SLC6A15: variants seen among roughly 807,000 people sequenced by gnomAD.
The protein encoded by SLC6A15 is solute carrier family 6 member 15.
SLC6A15 carries 33 observed loss-of-function variants against 68.5 expected under a neutral mutation model. That is an observed-to-expected ratio of 0.48 (90% confidence interval 0.37 to 0.64). The LOEUF (loss-of-function observed/expected upper bound fraction) is 0.64, where lower values mean the gene tolerates loss of function less well. Among genes scored for constraint, SLC6A15 ranks in the 30% least tolerant of loss-of-function variants. SLC6A15 has a pLI of 0.00. For synonymous variants in SLC6A15, 347 were observed against 301.0 expected, an observed-to-expected ratio of 1.15 and a Z score of -1.58; for missense variants, 747 against 874.3, an observed-to-expected ratio of 0.85 and a Z score of 1.84.
rs1038651589 is a variant in SLC6A15 at position 84,881,959 on chromosome 12, C to G, written c.756+1900G>C. The G allele has an allele frequency of 7.1e-6, 7 of 984,128 alleles. No homozygotes were observed. In the African/African-American group the frequency reaches 1.2e-4, roughly 17 times the overall value. The allele number at this position is 984,128 out of a possible 1,614,324, so 61.0% of individuals were successfully genotyped here. On this transcript the variant is annotated intron_variant, in intron 5 of 11. Transcript: ENST00000266682. Reference sequence around the variant, plus strand: ...CTTCAAATATTGCCCAAATACTAGTCTTTTCCTGAGGCATTCTCATTAAAA... The same window carrying G: ...CTTCAAATATTGCCCAAATACTAGTGTTTTCCTGAGGCATTCTCATTAAAA...
intron 1 of SLC6A15, among the ~76,000 whole-genome samples, chr12:84,896,987 TC>T (rs1234397171): frequency 6.6e-6 from 1 of 152,020 alleles, no homozygotes; most frequent in African/African-American, 2.4e-5. Flanking sequence ...GGCCAGGAGT[TC>T]GAGGCCATAC....
intron 11 of SLC6A15, among the ~76,000 whole-genome samples, chr12:84,863,071 A>G (rs1200807609): frequency 6.6e-6 from 1 of 152,164 alleles, no homozygotes; most frequent in Admixed American, 6.5e-5. Context: ...GATTATAGGT[A>G]TGAGTCACTG....
intron 1 of SLC6A15, among the ~76,000 whole-genome samples, chr12:84,907,348 GA>G (rs1004950543): frequency 3.2e-4 from 47 of 147,230 alleles, no homozygotes; most frequent in African/African-American, 1.1e-3. Flanking sequence ...ACTCCGTCTC[GA>G]AAAAAAACAA....
At position 84,884,033 on chromosome 12, in the gene SLC6A15, T is replaced by C; in HGVS notation, c.582A>G (p.Glu194=). The C allele has an allele frequency of 6.2e-7, 1 of 1,611,918 alleles. No individual in the cohort carries two copies. Among genetic ancestry groups the C allele is most frequent in the Non-Finnish European group, 8.5e-7 (1 of 1,178,294 alleles). Residue 194 remains glutamate (E), a synonymous_variant, in exon 5 of 12, where the codon GAA becomes GAG. Transcript: ENST00000266682. ...TGGCAGAACTTTGTTCACATTCTGG[T>C]TCTACAACTGTAGAAAGAAAAGTAA... ...LVKNASHTFV[E]PECEQSSATT...
intron 1 of SLC6A15, among the ~76,000 whole-genome samples, chr12:84,904,950 C>T (rs1426655433): frequency 6.6e-6 from 1 of 152,014 alleles, no homozygotes; most frequent in Non-Finnish European, 1.5e-5. Context: ...AAAACTGTCA[C>T]AAAAGAAATC....
At chr12:84,886,719 A>G (rs1872121598) in intron 2 of SLC6A15, among the ~76,000 whole-genome samples, 1 of 152,164 alleles carries the variant, frequency 6.6e-6, no homozygotes, top group South Asian at 2.1e-4. Flanking sequence ...GAGAGTCATT[A>G]AGAAATTAAA....
chr12:84,887,452 A>G (rs1872168025), intron 2 of SLC6A15, among the ~76,000 whole-genome samples: 1 of 152,200 alleles, frequency 6.6e-6, no homozygotes, highest in South Asian at 2.1e-4. Context: ...ATTTCCCTAC[A>G]TAGTGGTTGC....
chr12:84,909,698 T>C (rs936187032), intron 1 of SLC6A15, among the ~76,000 whole-genome samples: 2 of 152,130 alleles, frequency 1.3e-5, no homozygotes, highest in African/African-American at 4.8e-5. Flanking sequence ...TATGTAGTAA[T>C]AAAGAATTAA....
At chr12:84,910,296 T>TA (rs376105078) in intron 1 of SLC6A15, among the ~76,000 whole-genome samples, 6,461 of 150,910 alleles carry the variant, frequency 0.043, 411 homozygotes, top group African/African-American at 0.14. Flanking sequence ...CCTGTCATCC[T>TA]AAAAAAAAAC....
chr12:84,861,648 G>A lies in SLC6A15; in HGVS notation c.2177C>T (p.Pro726Leu). ...TTCCCCCAGCTACAAATCAGATTCT[G>A]GCATATCTGGCATAATATCTGCCAT... is the stretch of plus-strand genomic sequence containing the variant. Reference protein sequence around the residue: ...YLMADIMPDMPESDL With the variant: ...YLMADIMPDMLESDL Residue 726 changes from proline to leucine, a missense_variant, in exon 12 of 12, where the codon CCA (proline) becomes CTA (leucine). Physicochemically the swap from Pro to Leu is moderately conservative, Grantham distance 98. Coordinates refer to ENST00000266682, the MANE Select transcript of SLC6A15 (RefSeq NM_182767.6). The A allele has an allele frequency of 6.3e-7, 1 of 1,596,982 alleles. No individual in the cohort carries two copies. Among genetic ancestry groups the A allele is most frequent in the South Asian group, 1.1e-5 (1 of 89,980 alleles).
chr12:84,901,108 C>T (rs1174261075), intron 1 of SLC6A15, among the ~76,000 whole-genome samples: 1 of 150,216 alleles, frequency 6.7e-6, no homozygotes, highest in African/African-American at 2.4e-5. Context: ...TTTTGCTTCT[C>T]TGGTTTTGGT....
At chr12:84,884,666 G>T (rs1171165680) in intron 4 of SLC6A15, among the ~76,000 whole-genome samples, 1 of 152,044 alleles carries the variant, frequency 6.6e-6, no homozygotes, top group Non-Finnish European at 1.5e-5. Context: ...GGAATTATGG[G>T]ATTGACTCCC....
intron 9 of SLC6A15, among the ~76,000 whole-genome samples, chr12:84,869,463 T>TC (rs1871198654): frequency 3.3e-5 from 1 of 30,598 alleles, no homozygotes; most frequent in Non-Finnish European, 6.1e-5. Context: ...AGACTCCGTC[T>TC]CAAAAAAAAA....
intron 1 of SLC6A15, among the ~76,000 whole-genome samples, chr12:84,906,993 A>G (rs1262921621): frequency 6.6e-6 from 1 of 152,130 alleles, no homozygotes; most frequent in Non-Finnish European, 1.5e-5. Context: ...AAAAGCTTAA[A>G]AATGGGAGAA....
rs975787239 is a variant in SLC6A15 at position 84,861,575 on chromosome 12, G to C, written c.*57C>G. 2 of 1,530,080 alleles carry C rather than the reference G, an allele frequency of 1.3e-6. No individual in the cohort carries two copies. Among genetic ancestry groups the C allele is most frequent in the Non-Finnish European group, 8.8e-7 (1 of 1,137,884 alleles). 94.8% of individuals were successfully genotyped at this position (1,530,080 alleles called of 1,614,324 possible). A position where few individuals can be genotyped will look rare whatever the true frequency, so the allele number is the denominator to read the frequency against. Reference sequence around the variant, plus strand: ...GTGAAGCCTAATGCTTCTCCTACTAGGGCCAATGTTCATTGGTAAAAATGA... The same window carrying C: ...GTGAAGCCTAATGCTTCTCCTACTACGGCCAATGTTCATTGGTAAAAATGA... On this transcript the variant is annotated 3_prime_UTR_variant, in exon 12 of 12. Coordinates refer to ENST00000266682, the MANE Select transcript of SLC6A15 (RefSeq NM_182767.6).
At chr12:84,898,150 G>C (rs1157149724) in intron 1 of SLC6A15, among the ~76,000 whole-genome samples, 1 of 152,148 alleles carries the variant, frequency 6.6e-6, no homozygotes, top group East Asian at 1.9e-4. Flanking sequence ...GACCAGCCTG[G>C]CCAACATGGT....
At chr12:84,891,730 T>C (rs1318408690) in intron 2 of SLC6A15, 102 bp downstream of exon 2, 7 of 1,225,892 alleles carry the variant, frequency 5.7e-6, no homozygotes, top group South Asian at 1.5e-5. Context: ...TACAATGAAA[T>C]TGAAAGTTTC....
At chr12:84,864,339 G>A (rs989669068) in intron 10 of SLC6A15, among the ~76,000 whole-genome samples, 1 of 43,496 alleles carries the variant, frequency 2.3e-5, no homozygotes, top group Non-Finnish European at 4.4e-5. Context: ...TTTTTTTTTT[G>A]AGACAGAGTC....
chr12:84,885,788 G>A (rs919258140), intron 3 of SLC6A15, 123 bp downstream of exon 3: 13 of 1,099,900 alleles, frequency 1.2e-5, no homozygotes, highest in South Asian at 3.6e-5. Flanking sequence ...TGCCAGTAAC[G>A]TTTTCTAAAA....
Sources: allele counts gnomAD v4.1 joint callset (sites outside exome capture counted in the v4.1 genomes callset), GRCh38; gene constraint gnomAD v4.1.1; transcripts MANE v1.5; gene names NCBI Gene and HGNC (gene_info 2026-07-23, HGNC 2026-07-21).